URB1: variants seen among roughly 807,000 people sequenced by gnomAD.
URB1 encodes the protein nucleolar pre-ribosomal-associated protein 1.
Under a neutral mutation model 242.3 loss-of-function variants are expected in URB1, and 197 were observed. The ratio of observed to expected loss-of-function variants is 0.81; its 90% confidence interval spans 0.72 to 0.91. The LOEUF is 0.91. Ranked by LOEUF, URB1 falls within the 40% of genes least tolerant of loss-of-function variation. The probability of loss-of-function intolerance (pLI) is 0.00; values close to 1 mark genes in which losing one functional copy is unlikely to be tolerated. For missense variants in URB1, 2,721 were observed against 2,860.5 expected, an observed-to-expected ratio of 0.95 and a Z score of 1.11; for synonymous variants, 1,153 against 1,201.8, an observed-to-expected ratio of 0.96 and a Z score of 0.84.
intron 20 of URB1, among the ~76,000 whole-genome samples, chr21:32,350,317 C>G (rs558684840): frequency 6.6e-6 from 1 of 152,132 alleles, no homozygotes; most frequent in Admixed American, 6.5e-5. Flanking sequence ...GCCTGTAGTC[C>G]CAGCTACTTG....
At chr21:32,336,982 C>T in intron 28 of URB1, 112 bp downstream of exon 28, 2 of 1,122,582 alleles carry the variant, frequency 1.8e-6, no homozygotes, top group East Asian at 5.2e-5. Flanking sequence ...GCCTGCCTCA[C>T]TCTTTCCCTG....
chr21:32,354,765 G>C, intron 17 of URB1, 94 bp downstream of exon 17: 1 of 1,447,194 alleles, frequency 6.9e-7, no homozygotes. Context: ...ACTTGGCCTA[G>C]GGCATTAGTG....
chr21:32,377,456 T>C (rs2033472098), intron 5 of URB1: 1 of 354,574 alleles, frequency 2.8e-6, no homozygotes, highest in Non-Finnish European at 5.4e-6. Context: ...ACAGCTGAAA[T>C]GGCCCACGGG....
Position 32,316,551 on chromosome 21 carries a change from G to C in URB1, c.6549C>G (p.Ala2183=), listed in dbSNP as rs1164409120. Residue 2183 remains alanine (A), a synonymous_variant, in exon 38 of 39, where the codon GCC becomes GCG. Coordinates refer to ENST00000382751, the MANE Select transcript of URB1 (RefSeq NM_014825.3). ...GGAAGGGGCTCCCTGCCCGGCCCTG[G>C]GCAGCCACCAGCTGCAGCATGACCG... ...FNTVMLQLVA[A]QGRAGSPFHP... 7.7e-6 allele frequency: 12 copies of C among 1,551,094 alleles called. No homozygotes were observed. The highest frequency in any genetic ancestry group is 1.0e-5 in the Non-Finnish European group (12 of 1,146,836).
intron 28 of URB1, among the ~76,000 whole-genome samples, 183 bp from the exon 29 acceptor site, chr21:32,334,517 A>T (rs910904385): frequency 1.3e-5 from 2 of 152,150 alleles, no homozygotes; most frequent in African/African-American, 4.8e-5. Context: ...GGTGATGGTG[A>T]GGCTGAGGGT....
At position 32,317,915 on chromosome 21, in the gene URB1, G is replaced by A. The variant is rs1232129798; in HGVS notation, c.5795C>T (p.Pro1932Leu). 3.9e-6 allele frequency: 6 copies of A among 1,551,550 alleles called. No homozygotes were observed. Among genetic ancestry groups the A allele is most frequent in the African/African-American group, 1.4e-5 (1 of 73,140 alleles). Residue 1932 changes from proline (P) to leucine (L), a missense_variant and splice_region_variant, in exon 37 of 39, where the codon CCC becomes CTC. Physicochemically the swap from Pro to Leu is moderately conservative, Grantham distance 98. Coordinates refer to ENST00000382751, the MANE Select transcript of URB1 (RefSeq NM_014825.3). ...VLIVLMKHLR[P>L]TLAPVQLTNF... ...GGTCAGCTGGACGGGGGCCAAGGTG[G>A]GCCTGTTTGGGAGTCAATGTTACAG...
At chr21:32,362,124 G>C in intron 11 of URB1, 103 bp from the exon 12 acceptor site, 1 of 1,373,540 alleles carries the variant, frequency 7.3e-7, no homozygotes, top group East Asian at 2.5e-5. Flanking sequence ...AGGGGGGTGC[G>C]AGTCTAGAGG....
chr21:32,320,549 A>G lies in URB1; in HGVS notation c.5576T>C (p.Leu1859Ser). 6.4e-7 allele frequency: 1 copy of G among 1,551,946 alleles called. No homozygotes were observed. Residue 1859 changes from leucine (L) to serine (S), a missense_variant, in exon 35 of 39, where the codon TTA becomes TCA. By Grantham distance (145) the Leu-to-Ser change is moderately radical. Coordinates refer to ENST00000382751, the MANE Select transcript of URB1 (RefSeq NM_014825.3). Reference protein sequence around the residue: ...IRDYSLLTWILHILESKFLET... With the variant: ...IRDYSLLTWISHILESKFLET... ...TACTTACTTGCTTTCAAGGATGTGT[A>G]AAATCCATGTTAAAAGGCTATAGTC...
rs1337586427 is a variant in URB1, at chr21:32,350,853, G to T, written c.2683C>A (p.Gln895Lys). Reference protein sequence around the residue: ...PLASSFTALLQAAYESQALRD... With the variant: ...PLASSFTALLKAAYESQALRD... ...AGCGCTTGGCTCTCGTAGGCTGCCT[G>T]CAGCAGGGCTGTGAAGGACGAGGCC... Residue 895 changes from glutamine (Q) to lysine (K), a missense_variant, in exon 20 of 39, where the codon CAG becomes AAG. Gln to Lys is a moderately conservative substitution (Grantham distance 53). Coordinates refer to ENST00000382751, the MANE Select transcript of URB1 (RefSeq NM_014825.3). 1 of 1,551,104 alleles carries T rather than the reference G, an allele frequency of 6.4e-7. No homozygotes were observed. Among genetic ancestry groups the T allele is most frequent in the Admixed American group, 2.0e-5 (1 of 51,008 alleles).
At chr21:32,333,724 G>C (rs2032922841) in intron 29 of URB1, among the ~76,000 whole-genome samples, 1 of 152,198 alleles carries the variant, frequency 6.6e-6, no homozygotes, top group African/African-American at 2.4e-5. Flanking sequence ...TCTCATGTTA[G>C]TGCTCAAAAA....
chr21:32,321,150 G>A (rs1372556989), intron 34 of URB1, among the ~76,000 whole-genome samples: 1 of 152,218 alleles, frequency 6.6e-6, no homozygotes, highest in East Asian at 1.9e-4. Context: ...TTATTCAAAT[G>A]GGCTTCTTAA....
intron 1 of URB1, among the ~76,000 whole-genome samples, chr21:32,392,018 TGTC>T (rs1401720218): frequency 6.9e-6 from 1 of 145,866 alleles, no homozygotes; most frequent in Non-Finnish European, 1.5e-5. Flanking sequence ...AGCAAGACCC[TGTC>T]GTTTAAAAAA....
intron 29 of URB1, among the ~76,000 whole-genome samples, chr21:32,333,884 C>T (rs982240790): frequency 1.3e-5 from 2 of 152,152 alleles, no homozygotes; most frequent in African/African-American, 2.4e-5. Flanking sequence ...AAAAGCAGTG[C>T]TTGTACATGA....
At chr21:32,351,034 CT>C in intron 19 of URB1, 112 bp from the exon 20 acceptor site, 1 of 1,138,332 alleles carries the variant, frequency 8.8e-7, no homozygotes, top group African/African-American at 1.5e-5. Context: ...GAAGCACATG[CT>C]GAGATAAGAC....
At chr21:32,334,676 G>C (rs1428635550) in intron 28 of URB1, among the ~76,000 whole-genome samples, 1 of 152,186 alleles carries the variant, frequency 6.6e-6, no homozygotes, top group Admixed American at 6.5e-5. Context: ...ATGGGGGAAA[G>C]AGGTGCGGAG....
At chr21:32,388,196 T>C (rs1173697298) in intron 1 of URB1, among the ~76,000 whole-genome samples, 1 of 152,204 alleles carries the variant, frequency 6.6e-6, no homozygotes. Flanking sequence ...ACTAGCTGCA[T>C]GGTACTCAGT....
chr21:32,359,932 TG>T, intron 13 of URB1, 24 bp from the exon 14 acceptor site: 1 of 1,545,584 alleles, frequency 6.5e-7, no homozygotes, highest in Non-Finnish European at 8.7e-7. Flanking sequence ...AGAGGCAGGC[TG>T]AAAAAAGTCA....
Position 32,355,618 on chromosome 21 carries a change from CTTTT to C in URB1, c.1990-57_1990-54del, listed in dbSNP as rs1036125836. The C allele has an allele frequency of 1.9e-4, 273 of 1,433,900 alleles. 3 individuals carry two copies. Among genetic ancestry groups the C allele is most frequent in the Non-Finnish European group, 3.2e-5 (33 of 1,040,968 alleles). 88.8% of individuals were successfully genotyped at this position (1,433,900 alleles called of 1,614,324 possible). ...AGTCAGAACAGAACGCGCTTTCTTTCTTTTCTTTGAGACAGGGCCTCACTCTGTC... is the reference window on the plus strand; with the variant it reads ...AGTCAGAACAGAACGCGCTTTCTTTCCTTTGAGACAGGGCCTCACTCTGTC... On this transcript the variant is annotated intron_variant, in intron 15 of 38. Transcript: ENST00000382751.
intron 8 of URB1, among the ~76,000 whole-genome samples, chr21:32,370,878 C>G (rs551919590): frequency 6.6e-6 from 1 of 152,348 alleles, no homozygotes; most frequent in Non-Finnish European, 1.5e-5. Context: ...TTGCTCTATG[C>G]TCTAACACCA....
Sources: allele counts gnomAD v4.1 joint callset (sites outside exome capture counted in the v4.1 genomes callset), GRCh38; gene constraint gnomAD v4.1.1; transcripts MANE v1.5; gene names NCBI Gene and HGNC (gene_info 2026-07-23, HGNC 2026-07-21).